The following ADAMTS6 variants were observed in gnomAD, a reference collection of about 807,000 sequenced individuals.
ADAMTS6 encodes A disintegrin and metalloproteinase with thrombospondin motifs 6.
In ADAMTS6, 23 loss-of-function variants were observed where a neutral mutation model predicts 144.3. The observed-to-expected ratio is 0.16, with a 90% CI of 0.11 to 0.23. The LOEUF (loss-of-function observed/expected upper bound fraction) is 0.23. ADAMTS6 is among the 10% of genes least tolerant of loss of function. The probability of loss-of-function intolerance (pLI) is 1.00; values close to 1 mark genes in which losing one functional copy is unlikely to be tolerated. For synonymous variants in ADAMTS6, 444 were observed against 457.5 expected (o/e 0.97, Z 0.38); for missense variants, 999 against 1,379.6 (o/e 0.72, Z 4.37).
At chr5:65,203,636 A>C (rs1043448864) in intron 20 of ADAMTS6, among the ~76,000 whole-genome samples, 2 of 152,186 alleles carry the variant, frequency 1.3e-5, no homozygotes, top group African/African-American at 4.8e-5. Flanking sequence ...ATAAGGATAT[A>C]ATCATATACA....
rs555671660 is a variant in ADAMTS6 at position 65,185,090 on chromosome 5, A to G, written c.2910+2926T>C. The stretch of plus-strand genomic sequence containing the variant: ...CCAAAGGTTAACTGAAAGAGACTGA[A>G]TACCGCCTGCTCTTCCGCTGGGACC... On this transcript the variant is annotated intron_variant, in intron 22 of 24. Coordinates refer to ENST00000381055, the MANE Select transcript of ADAMTS6 (RefSeq NM_197941.4). Among the ~76,000 whole-genome samples, 12 of 152,306 alleles carry G rather than the reference A, an allele frequency of 7.9e-5. No homozygotes were observed. The South Asian group carries it at 2.3e-3, about 29-fold the overall frequency.
intron 15 of ADAMTS6, among the ~76,000 whole-genome samples, chr5:65,234,920 T>C (rs1758552405): frequency 6.6e-6 from 1 of 152,184 alleles, no homozygotes; most frequent in Non-Finnish European, 1.5e-5. Flanking sequence ...TAATGAAATA[T>C]CATTCCATCT....
intron 7 of ADAMTS6, among the ~76,000 whole-genome samples, chr5:65,436,045 A>C (rs1331026902): frequency 6.6e-6 from 1 of 152,160 alleles, no homozygotes; most frequent in Non-Finnish European, 1.5e-5. Flanking sequence ...TATTATTTAA[A>C]ACATTTTTGC....
intron 9 of ADAMTS6, among the ~76,000 whole-genome samples, chr5:65,309,656 A>G (rs1257784320): frequency 6.6e-6 from 1 of 152,206 alleles, no homozygotes; most frequent in Non-Finnish European, 1.5e-5. Context: ...AGTTAAATAT[A>G]CATACCCGAA....
intron 3 of ADAMTS6, among the ~76,000 whole-genome samples, chr5:65,466,837 T>C (rs529426206): frequency 8.5e-5 from 13 of 152,198 alleles, no homozygotes; most frequent in Non-Finnish European, 1.6e-4. Context: ...GGTCAGGAGA[T>C]CGAGACCATC....
chr5:65,455,588 A>G (rs1759125518), intron 4 of ADAMTS6, among the ~76,000 whole-genome samples: 1 of 152,034 alleles, frequency 6.6e-6, no homozygotes, highest in Admixed American at 6.6e-5. Context: ...AAATATTTCA[A>G]ATATTTTGTC....
chr5:65,152,891 A>G (rs887940285), intron 24 of ADAMTS6, among the ~76,000 whole-genome samples: 6 of 152,246 alleles, frequency 3.9e-5, no homozygotes, highest in African/African-American at 1.2e-4. Flanking sequence ...CATGCCTGCT[A>G]GAACCAAAGT....
chr5:65,220,840 A>G (rs1222984821), intron 18 of ADAMTS6, among the ~76,000 whole-genome samples: 1 of 152,178 alleles, frequency 6.6e-6, no homozygotes, highest in African/African-American at 2.4e-5. Context: ...TAAAAAGATC[A>G]ATACAATAAA....
chr5:65,365,392 T>C (rs1349691464), intron 7 of ADAMTS6, among the ~76,000 whole-genome samples: 7 of 152,274 alleles, frequency 4.6e-5, no homozygotes, highest in African/African-American at 1.7e-4. Flanking sequence ...ACACCTGTAA[T>C]CCAAGCACTT....
intron 7 of ADAMTS6, among the ~76,000 whole-genome samples, chr5:65,392,934 G>A (rs924228860): frequency 6.6e-6 from 1 of 152,092 alleles, no homozygotes; most frequent in Non-Finnish European, 1.5e-5. Context: ...GATGTGAGTA[G>A]TATACTCTAA....
chr5:65,280,940 A>G (rs1242960809), intron 11 of ADAMTS6, among the ~76,000 whole-genome samples: 1 of 152,190 alleles, frequency 6.6e-6, no homozygotes, highest in Non-Finnish European at 1.5e-5. Context: ...ACCATGATGA[A>G]CTAAAACTGA....
intron 7 of ADAMTS6, among the ~76,000 whole-genome samples, chr5:65,357,469 T>C (rs1022059973): frequency 2.0e-5 from 3 of 150,974 alleles, no homozygotes; most frequent in Admixed American, 6.6e-5. Flanking sequence ...AAAAAGAACA[T>C]ATTAAGCCTA....
chr5:65,404,487 A>G (rs1272880529), intron 7 of ADAMTS6, among the ~76,000 whole-genome samples: 1 of 152,146 alleles, frequency 6.6e-6, no homozygotes, highest in African/African-American at 2.4e-5. Flanking sequence ...ATCCTTTTTT[A>G]TGGCTGCATA....
intron 18 of ADAMTS6, among the ~76,000 whole-genome samples, chr5:65,219,053 A>G (rs1263889012): frequency 6.6e-6 from 1 of 152,188 alleles, no homozygotes; most frequent in Non-Finnish European, 1.5e-5. Flanking sequence ...ATTCTAAAAG[A>G]AGGCATGAAA....
intron 7 of ADAMTS6, among the ~76,000 whole-genome samples, chr5:65,361,960 C>T (rs1749863824): frequency 6.6e-6 from 1 of 152,150 alleles, no homozygotes; most frequent in African/African-American, 2.4e-5. Context: ...GTCTCAAACT[C>T]CTGGGCTCAA....
intron 8 of ADAMTS6, among the ~76,000 whole-genome samples, chr5:65,331,075 T>C (rs1189863655): frequency 6.6e-6 from 1 of 152,036 alleles, no homozygotes; most frequent in Non-Finnish European, 1.5e-5. Flanking sequence ...ACCTGAAATA[T>C]TTTTTTAAAA....
chr5:65,477,640 A>G (rs1478810152), intron 1 of ADAMTS6, among the ~76,000 whole-genome samples: 2 of 152,246 alleles, frequency 1.3e-5, no homozygotes, highest in South Asian at 2.1e-4. Context: ...GCATTGGTGC[A>G]TAGTTGAAAA....
chr5:65,260,680 T>C lies in ADAMTS6; in HGVS notation c.1767-17A>G, dbSNP rs1405434697. On this transcript the variant is annotated splice_polypyrimidine_tract_variant and intron_variant, in intron 13 of 24. Coordinates refer to ENST00000381055, the MANE Select transcript of ADAMTS6 (RefSeq NM_197941.4). ...CCTGAAGGTCTGAAAAAACATTGTG[T>C]TTAAAATGTGAATACTAATACATCT... The C allele has an allele frequency of 6.2e-7, 1 of 1,606,670 alleles. No individual in the cohort carries two copies. The highest frequency in any genetic ancestry group is 8.5e-7 in the Non-Finnish European group (1 of 1,173,636).
intron 20 of ADAMTS6, among the ~76,000 whole-genome samples, chr5:65,213,510 C>T (rs1307472666): frequency 1.3e-5 from 2 of 151,826 alleles, no homozygotes; most frequent in African/African-American, 2.4e-5. Context: ...GGTGTGGTGG[C>T]GTGCTCCCTA....
Sources: gnomAD v4.1 joint callset for allele counts (sites outside exome capture counted in the v4.1 genomes callset) on GRCh38, gnomAD v4.1.1 for gene constraint, MANE v1.5 for transcripts, NCBI Gene and HGNC (gene_info 2026-07-23, HGNC 2026-07-21) for gene names.